CAP2: variants seen among roughly 807,000 people sequenced by gnomAD.
The protein encoded by CAP2 is cyclase associated actin cytoskeleton regulatory protein 2.
CAP2 carries 24 observed loss-of-function variants against 57.7 expected under a neutral mutation model. The ratio of observed to expected loss-of-function variants is 0.42; its 90% CI spans 0.30 to 0.58. CAP2 has a LOEUF of 0.58. CAP2 is among the 20% of genes least tolerant of loss of function. The pLI is 0.22. For missense variants in CAP2, 501 were observed against 590.3 expected (o/e 0.85, Z 1.57); for synonymous variants, 194 against 207.2 (o/e 0.94, Z 0.55).
intron 3 of CAP2, among the ~76,000 whole-genome samples, chr6:17,432,726 T>TGCTA (rs1178196385): frequency 7.9e-5 from 12 of 151,576 alleles, no homozygotes; most frequent in Non-Finnish European, 1.3e-4. Context: ...CCCCCTTGCT[T>TGCTA]GCTTGCTTTT....
chr6:17,444,165 C>T (rs917025214), intron 3 of CAP2, among the ~76,000 whole-genome samples: 2 of 152,146 alleles, frequency 1.3e-5, no homozygotes, highest in African/African-American at 4.8e-5. Flanking sequence ...TCTTTTCTTC[C>T]AGCCCTGTCT....
intron 3 of CAP2, among the ~76,000 whole-genome samples, chr6:17,432,587 T>G (rs1208677795): frequency 2.0e-5 from 3 of 152,240 alleles, no homozygotes; most frequent in Non-Finnish European, 2.9e-5. Context: ...TCAAGAATTC[T>G]GCCTCTAGGT....
At chr6:17,420,981 A>T (rs1212955802) in intron 1 of CAP2, among the ~76,000 whole-genome samples, 3 of 146,994 alleles carry the variant, frequency 2.0e-5, no homozygotes, top group Non-Finnish European at 4.4e-5. Flanking sequence ...TACGGAACCA[A>T]CGTTAAGTCT....
chr6:17,555,322 G>A (rs1309189125), intron 12 of CAP2, among the ~76,000 whole-genome samples: 1 of 151,856 alleles, frequency 6.6e-6, no homozygotes, highest in Non-Finnish European at 1.5e-5. Flanking sequence ...AGCCTCCCGA[G>A]TAGCTGGGAT....
intron 4 of CAP2, among the ~76,000 whole-genome samples, chr6:17,469,406 CTGTG>C (rs1561794567): frequency 6.6e-6 from 1 of 151,054 alleles, no homozygotes; most frequent in Non-Finnish European, 1.5e-5. Context: ...GTGTGTGTGT[CTGTG>C]TGTGTCTGTG....
intron 1 of CAP2, among the ~76,000 whole-genome samples, chr6:17,406,412 T>TTTTTTTTTTTTTC (rs1197104013): frequency 1.5e-5 from 2 of 135,192 alleles, no homozygotes; most frequent in African/African-American, 7.4e-5. Context: ...TTTTTTTTTT[T>TTTTTTTTTTTTTC]TGAGGCAGTC....
At chr6:17,414,210 A>G (rs887599938) in intron 1 of CAP2, among the ~76,000 whole-genome samples, 8 of 152,126 alleles carry the variant, frequency 5.3e-5, no homozygotes, top group Non-Finnish European at 8.8e-5. Flanking sequence ...CAGCCTCACT[A>G]TGAGAAAAGG....
chr6:17,442,842 C>T (rs1561785236), intron 3 of CAP2, among the ~76,000 whole-genome samples: 3 of 151,972 alleles, frequency 2.0e-5, no homozygotes, highest in South Asian at 2.1e-4. Context: ...CTCAGCCTCC[C>T]GAGTAGCTGG....
rs1419234788 is a variant in CAP2 at position 17,448,439 on chromosome 6, G to A, written c.223-14557G>A. ...GAATTTGAAAATGCAGTTTATTCAG[G>A]AGAATGGTTTTGTTCAGAATATAAA... On this transcript the variant is annotated intron_variant, in intron 3 of 12. Transcript: ENST00000229922. 2.0e-5 allele frequency among the ~76,000 whole-genome samples: 3 copies of A among 152,346 alleles called. No individual in the cohort carries two copies. In the East Asian group the frequency reaches 5.8e-4, roughly 29 times the overall value.
chr6:17,547,714 G>A (rs1763080702), intron 11 of CAP2, among the ~76,000 whole-genome samples: 1 of 151,866 alleles, frequency 6.6e-6, no homozygotes, highest in Admixed American at 6.6e-5. Flanking sequence ...GGTGGCGGGT[G>A]CCCATAGTCC....
At chr6:17,482,967 T>C (rs1761328960) in intron 4 of CAP2, among the ~76,000 whole-genome samples, 1 of 152,252 alleles carries the variant, frequency 6.6e-6, no homozygotes. Flanking sequence ...TTGGGCCAGT[T>C]GTTTAGCGTG....
chr6:17,472,491 T>TA (rs1350453251), intron 4 of CAP2, among the ~76,000 whole-genome samples: 2 of 152,240 alleles, frequency 1.3e-5, no homozygotes, highest in Non-Finnish European at 2.9e-5. Context: ...GTAGTATAGG[T>TA]AAAAACCAAT....
intron 6 of CAP2, among the ~76,000 whole-genome samples, chr6:17,508,904 C>T (rs1217094730): frequency 3.3e-5 from 5 of 151,952 alleles, no homozygotes; most frequent in Admixed American, 6.6e-5. Flanking sequence ...ACTATAGGTG[C>T]GCACCACCAC....
intron 4 of CAP2, among the ~76,000 whole-genome samples, chr6:17,466,602 C>T (rs1043200260): frequency 6.6e-6 from 1 of 152,212 alleles, no homozygotes; most frequent in Non-Finnish European, 1.5e-5. Flanking sequence ...TGTTAAAGTG[C>T]AGAGTCTGAT....
At chr6:17,483,079 G>A (rs901744167) in intron 4 of CAP2, among the ~76,000 whole-genome samples, 1 of 152,204 alleles carries the variant, frequency 6.6e-6, no homozygotes, top group African/African-American at 2.4e-5. Context: ...CTGCTCAGGT[G>A]GAGAGTTCCA....
chr6:17,541,050 C>T lies in CAP2; in HGVS notation c.904C>T (p.Pro302Ser), dbSNP rs762104891. 3.7e-6 allele frequency: 6 copies of T among 1,614,032 alleles called. No homozygotes were observed. The highest frequency in any genetic ancestry group is 1.6e-4 in the Middle Eastern group (1 of 6,062). ...GGCTCAAGGAGGGCAAACTCAATCT[C>T]CCACCAAAAGTCACACTCCAAGTCC... ...LRAQGGQTQS[P>S]TKSHTPSPTS... The change falls in exon 9 of 13, where the codon CCC (proline) becomes TCC (serine). Residue 302 changes from proline (P) to serine (S), a missense_variant. By Grantham distance (74) the Pro-to-Ser change is moderately conservative. Coordinates refer to ENST00000229922, the MANE Select transcript of CAP2 (RefSeq NM_006366.3).
rs540585653 is a variant in CAP2 at position 17,557,402 on chromosome 6, G to C, written c.*960G>C. The C allele has an allele frequency of 9.2e-5, 14 of 152,260 alleles. No homozygotes were observed. Among genetic ancestry groups the C allele is most frequent in the African/African-American group, 3.1e-4 (13 of 41,558 alleles). The allele number at this position is 152,260 out of a possible 1,614,324, so 9.4% of individuals were successfully genotyped here. A position where few individuals can be genotyped will look rare whatever the true frequency, so the allele number is the denominator to read the frequency against. ...CCTAAAACCTAAGGCATTATCTGTT[G>C]GTTTGGCTTGCTGCTCCTATTTTGT... On this transcript the variant is annotated 3_prime_UTR_variant, in exon 13 of 13. Coordinates refer to ENST00000229922, the MANE Select transcript of CAP2 (RefSeq NM_006366.3).
intron 1 of CAP2, among the ~76,000 whole-genome samples, chr6:17,417,959 A>G (rs1313101763): frequency 6.6e-6 from 1 of 152,062 alleles, no homozygotes; most frequent in African/African-American, 2.4e-5. Flanking sequence ...TGACTACCCT[A>G]TGAGTTTCCT....
chr6:17,535,229 A>C (rs546381416), intron 7 of CAP2, among the ~76,000 whole-genome samples: 1 of 151,634 alleles, frequency 6.6e-6, no homozygotes. Context: ...GCTGCGCTAC[A>C]TATGAGTCAA....
Sources: allele counts gnomAD v4.1 joint callset (sites outside exome capture counted in the v4.1 genomes callset), GRCh38; gene constraint gnomAD v4.1.1; transcripts MANE v1.5; gene names NCBI Gene and HGNC (gene_info 2026-07-23, HGNC 2026-07-21).